Variants in MACROD2 observed in about 807,000 individuals in gnomAD.
MACROD2 encodes ADP-ribose glycohydrolase MACROD2.
A neutral mutation model predicts 70.4 loss-of-function variants in MACROD2; 36 were observed. That is an observed-to-expected ratio of 0.51 (90% CI 0.39 to 0.68). The LOEUF (loss-of-function observed/expected upper bound fraction) is 0.68, where lower values mean the gene tolerates loss of function less well. MACROD2 is among the 30% of genes least tolerant of loss of function. The probability of loss-of-function intolerance (pLI) is 0.00; values close to 1 mark genes in which losing one functional copy is unlikely to be tolerated. For missense variants in MACROD2, 496 were observed against 538.4 expected (o/e 0.92, Z 0.78); for synonymous variants, 172 against 178.8 (o/e 0.96, Z 0.30).
chr20:15,501,576 T>G (rs555937295), intron 8 of MACROD2, among the ~76,000 whole-genome samples: 4 of 152,330 alleles, frequency 2.6e-5, no homozygotes, highest in Non-Finnish European at 5.9e-5. Context: ...TTGAGTCCAT[T>G]CTTTTGCTTT....
intron 5 of MACROD2, among the ~76,000 whole-genome samples, chr20:14,909,872 G>A (rs1382051507): frequency 2.6e-5 from 4 of 151,946 alleles, no homozygotes; most frequent in South Asian, 2.1e-4. Flanking sequence ...ACTTTAGAAC[G>A]TTCACTCTCT....
intron 8 of MACROD2, among the ~76,000 whole-genome samples, chr20:15,558,621 C>T (rs910125215): frequency 3.3e-5 from 5 of 152,114 alleles, no homozygotes; most frequent in Admixed American, 1.3e-4. Context: ...TATTATTTTT[C>T]CCCCTTTCCC....
intron 3 of MACROD2, among the ~76,000 whole-genome samples, chr20:14,272,470 G>T (rs2082205179): frequency 1.3e-5 from 2 of 151,976 alleles, no homozygotes; most frequent in African/African-American, 2.4e-5. Context: ...CACCAGGCCT[G>T]CCCTAAAAGA....
intron 4 of MACROD2, among the ~76,000 whole-genome samples, chr20:14,600,400 T>C (rs1031600413): frequency 2.0e-5 from 3 of 148,616 alleles, no homozygotes; most frequent in African/African-American, 7.5e-5. Context: ...TATATATTAG[T>C]TTATTATATT....
At chr20:14,597,035 G>GT (rs1600434499) in intron 4 of MACROD2, among the ~76,000 whole-genome samples, 2 of 152,134 alleles carry the variant, frequency 1.3e-5, no homozygotes, top group East Asian at 3.9e-4. Context: ...CAAAATGACC[G>GT]TTTTATCTTA....
At chr20:15,738,842 C>T (rs551276524) in intron 8 of MACROD2, among the ~76,000 whole-genome samples, 26 of 152,076 alleles carry the variant, frequency 1.7e-4, no homozygotes, top group Non-Finnish European at 1.9e-4. Flanking sequence ...GATGTTCTGT[C>T]GGGGAGGAGA....
At chr20:14,426,922 G>A (rs948034997) in intron 3 of MACROD2, among the ~76,000 whole-genome samples, 2 of 152,100 alleles carry the variant, frequency 1.3e-5, no homozygotes, top group African/African-American at 4.8e-5. Context: ...AACTGTATAA[G>A]ATCCAGGGAT....
chr20:15,320,725 C>T (rs561287943), intron 6 of MACROD2, among the ~76,000 whole-genome samples: 2 of 152,232 alleles, frequency 1.3e-5, no homozygotes, highest in South Asian at 2.1e-4. Context: ...TATCTATGGT[C>T]ATCAGGCACT....
At chr20:14,363,118 T>C (rs1023468486) in intron 3 of MACROD2, among the ~76,000 whole-genome samples, 6 of 152,174 alleles carry the variant, frequency 3.9e-5, no homozygotes, top group African/African-American at 1.4e-4. Context: ...TGGAGGCAGA[T>C]ACACTTGAGC....
intron 4 of MACROD2, among the ~76,000 whole-genome samples, chr20:14,545,610 G>A (rs77351298): frequency 0.02 from 3,009 of 152,252 alleles, 111 homozygotes; most frequent in African/African-American, 0.069. Flanking sequence ...TAATCATGCC[G>A]GGTGTAAGCA....
chr20:15,589,329 A>G (rs1600637942), intron 8 of MACROD2, among the ~76,000 whole-genome samples: 1 of 152,348 alleles, frequency 6.6e-6, no homozygotes, highest in South Asian at 2.1e-4. Context: ...CAGCCAAACC[A>G]TATCAAATAT....
chr20:15,087,965 TG>T (rs2075761238), intron 5 of MACROD2, among the ~76,000 whole-genome samples: 1 of 152,010 alleles, frequency 6.6e-6, no homozygotes, highest in South Asian at 2.1e-4. Context: ...AATGAAATTG[TG>T]TTCTTCATTC....
chr20:14,775,030 G>A (rs1316961441), intron 5 of MACROD2, among the ~76,000 whole-genome samples: 3 of 152,102 alleles, frequency 2.0e-5, no homozygotes, highest in Non-Finnish European at 4.4e-5. Flanking sequence ...TTCTGTAAGA[G>A]TCTATGTGTG....
intron 3 of MACROD2, among the ~76,000 whole-genome samples, chr20:14,281,795 C>T (rs1424609213): frequency 2.0e-5 from 3 of 151,498 alleles, no homozygotes; most frequent in East Asian, 1.9e-4. Flanking sequence ...ATTAGCCGGG[C>T]GCGGTGATGT....
At chr20:15,140,773 G>A (rs377379285) in intron 5 of MACROD2, among the ~76,000 whole-genome samples, 1 of 152,080 alleles carries the variant, frequency 6.6e-6, no homozygotes, top group African/African-American at 2.4e-5. Flanking sequence ...TGCTCCCTTA[G>A]GGACCTTAAT....
At chr20:14,045,231 A>G (rs2053454829) in intron 2 of MACROD2, among the ~76,000 whole-genome samples, 1 of 152,226 alleles carries the variant, frequency 6.6e-6, no homozygotes, top group Admixed American at 6.5e-5. Context: ...AGGGGCTCCC[A>G]CAGTGCAGCG....
At chr20:14,889,263 C>T (rs543899846) in intron 5 of MACROD2, among the ~76,000 whole-genome samples, 3 of 152,110 alleles carry the variant, frequency 2.0e-5, no homozygotes, top group South Asian at 2.1e-4. Flanking sequence ...GAGGATATAT[C>T]GGTAAACAAA....
At chr20:16,027,627 A>C (rs536894438) in intron 15 of MACROD2, among the ~76,000 whole-genome samples, 18 of 152,322 alleles carry the variant, frequency 1.2e-4, no homozygotes, top group African/African-American at 4.3e-4. Flanking sequence ...AGAACCATTG[A>C]AAAGACAGAA....
chr20:14,235,184 G>A (rs1187385895), intron 3 of MACROD2, among the ~76,000 whole-genome samples: 2 of 152,122 alleles, frequency 1.3e-5, no homozygotes, highest in African/African-American at 4.8e-5. Flanking sequence ...TTTCAAACGT[G>A]AAGGGGATAA....
Sources: allele counts gnomAD v4.1 joint callset (sites outside exome capture counted in the v4.1 genomes callset), GRCh38; gene constraint gnomAD v4.1.1; transcripts MANE v1.5; gene names NCBI Gene and HGNC (gene_info 2026-07-23, HGNC 2026-07-21).